The following ARMH3 variants were observed in gnomAD, a reference collection of about 807,000 sequenced individuals.
ARMH3 encodes the protein armadillo-like helical domain-containing protein 3.
ARMH3 carries 60 observed loss-of-function variants against 99.1 expected under a neutral mutation model. The observed-to-expected ratio is 0.61, with a 90% confidence interval of 0.49 to 0.75. ARMH3 has a LOEUF of 0.75. Ranked by LOEUF, ARMH3 falls within the 30% of genes least tolerant of loss-of-function variation. ARMH3 has a pLI of 0.00. For missense variants in ARMH3, 679 were observed against 843.1 expected (o/e 0.81, Z 2.41); for synonymous variants, 285 against 292.8 (o/e 0.97, Z 0.27).
chr10:101,910,539 G>C (rs533436972), intron 23 of ARMH3, among the ~76,000 whole-genome samples: 59 of 151,986 alleles, frequency 3.9e-4, no homozygotes, highest in African/African-American at 1.4e-3. Context: ...AGACCAGCCT[G>C]GCCAACATGG....
chr10:101,927,556 C>G (rs1843557319), intron 23 of ARMH3, among the ~76,000 whole-genome samples: 1 of 152,230 alleles, frequency 6.6e-6, no homozygotes, highest in Non-Finnish European at 1.5e-5. Flanking sequence ...GAAGCAGCTA[C>G]TCCATTATCA....
At chr10:101,916,927 G>A (rs889273627) in intron 23 of ARMH3, among the ~76,000 whole-genome samples, 3 of 152,050 alleles carry the variant, frequency 2.0e-5, no homozygotes, top group African/African-American at 7.2e-5. Context: ...CCAGTTTTTG[G>A]ACTCTAGGAC....
intron 24 of ARMH3, among the ~76,000 whole-genome samples, chr10:101,861,285 T>C (rs1172962025): frequency 6.6e-6 from 1 of 152,216 alleles, no homozygotes; most frequent in East Asian, 1.9e-4. Context: ...GAAGACAATG[T>C]AATAATAATA....
At chr10:101,972,460 C>T (rs1845811999) in intron 20 of ARMH3, among the ~76,000 whole-genome samples, 1 of 152,166 alleles carries the variant, frequency 6.6e-6, no homozygotes, top group Non-Finnish European at 1.5e-5. Flanking sequence ...TACACATAAG[C>T]ATATTTGCCA....
At chr10:101,866,543 C>A (rs997044153) in intron 24 of ARMH3, among the ~76,000 whole-genome samples, 1 of 151,524 alleles carries the variant, frequency 6.6e-6, no homozygotes, top group East Asian at 1.9e-4. Flanking sequence ...CCTGCAGCTA[C>A]GCCAGCAGGC....
chr10:102,043,496 G>A (rs1418211473), intron 1 of ARMH3, among the ~76,000 whole-genome samples: 2 of 152,198 alleles, frequency 1.3e-5, no homozygotes, highest in Non-Finnish European at 2.9e-5. Flanking sequence ...TACTGGCACA[G>A]ACAGACACAT....
At chr10:102,022,738 A>G (rs2066914424) in intron 8 of ARMH3, among the ~76,000 whole-genome samples, 1 of 148,972 alleles carries the variant, frequency 6.7e-6, no homozygotes, top group South Asian at 2.1e-4. Context: ...ACACTGCCAC[A>G]CCCAGCTAAT....
At chr10:101,950,980 A>T (rs1374666548) in intron 22 of ARMH3, among the ~76,000 whole-genome samples, 2 of 152,322 alleles carry the variant, frequency 1.3e-5, no homozygotes, top group East Asian at 1.9e-4. Context: ...CTGTCATATT[A>T]AAAAAATTTT....
chr10:102,011,816 T>C (rs781009923), intron 10 of ARMH3, 33 bp from the exon 11 acceptor site: 32 of 1,552,730 alleles, frequency 2.1e-5, no homozygotes, highest in Non-Finnish European at 2.6e-5. Context: ...AACTTTAGGA[T>C]TGTTTATCAA....
chr10:101,981,243 C>T (rs529294320), intron 19 of ARMH3, among the ~76,000 whole-genome samples: 1 of 151,668 alleles, frequency 6.6e-6, no homozygotes, highest in South Asian at 2.1e-4. Context: ...GGCTTCTTAC[C>T]AGAGGAGAAA....
chr10:101,894,338 T>C (rs773698069), intron 23 of ARMH3, among the ~76,000 whole-genome samples: 7 of 152,230 alleles, frequency 4.6e-5, no homozygotes, highest in Non-Finnish European at 8.8e-5. Flanking sequence ...TTAAAGTTCT[T>C]AGTACTTTGT....
intron 24 of ARMH3, among the ~76,000 whole-genome samples, chr10:101,880,633 C>T (rs1462435403): frequency 2.0e-5 from 3 of 152,134 alleles, no homozygotes; most frequent in Non-Finnish European, 4.4e-5. Context: ...GCTCCCCTCC[C>T]ACCACTCACA....
intron 13 of ARMH3, among the ~76,000 whole-genome samples, chr10:102,008,936 C>G (rs2066569820): frequency 1.3e-5 from 2 of 152,094 alleles, no homozygotes; most frequent in South Asian, 4.1e-4. Context: ...TAACCTTAAC[C>G]TGGCCAGGAT....
rs2066486906 is a variant in ARMH3 at position 101,847,432 on chromosome 10, C to T, written c.*96G>A. ...GAGAACTTGGTATCTGTGTTTCTCT[C>T]CAACCTCGGGGGCAGCCCCCTCTCC... On this transcript the variant is annotated 3_prime_UTR_variant, in exon 26 of 26. Coordinates refer to ENST00000370033, the MANE Select transcript of ARMH3 (RefSeq NM_024541.3). 2.3e-6 allele frequency: 3 copies of T among 1,290,414 alleles called. No homozygotes were observed. Among genetic ancestry groups the T allele is most frequent in the Non-Finnish European group, 3.4e-6 (3 of 894,302 alleles). The allele number at this position is 1,290,414 out of a possible 1,614,324, so 79.9% of individuals were successfully genotyped here.
At chr10:102,012,703 C>G in intron 10 of ARMH3, 130 bp downstream of exon 10, 1 of 781,978 alleles carries the variant, frequency 1.3e-6, no homozygotes, top group South Asian at 2.7e-5. Context: ...GCAAATACAT[C>G]TGCCAGGGGC....
At chr10:102,016,283 T>C (rs2066749982) in intron 8 of ARMH3, among the ~76,000 whole-genome samples, 2 of 152,230 alleles carry the variant, frequency 1.3e-5, no homozygotes, top group Admixed American at 1.3e-4. Flanking sequence ...CCTTTGAGTG[T>C]CATGTTGGTA....
rs532437758 is a variant in ARMH3 at position 101,876,797 on chromosome 10, T to TA, written c.1860+12614dup. The stretch of plus-strand genomic sequence containing the variant: ...CAAGATCTACTGGAAAAAAGGTGAC[T>TA]AAAAAAACTGAAGTGGGAATTCCTA... On this transcript the variant is annotated intron_variant, in intron 24 of 25. Transcript: ENST00000370033. Among the ~76,000 whole-genome samples the TA allele has an allele frequency of 3.9e-5, 6 of 152,032 alleles. No individual in the cohort carries two copies. In the East Asian group the frequency reaches 7.7e-4, roughly 20 times the overall value.
chr10:101,888,591 G>A (rs1420278361), intron 24 of ARMH3, among the ~76,000 whole-genome samples: 1 of 152,192 alleles, frequency 6.6e-6, no homozygotes, highest in Non-Finnish European at 1.5e-5. Flanking sequence ...CTCAAACAAG[G>A]GTTACAAAGA....
Position 102,054,388 on chromosome 10 carries a change from C to CA in ARMH3, c.-12+1696dup, listed in dbSNP as rs1199918958. Among the ~76,000 whole-genome samples, 662 of 70,502 alleles carry CA rather than the reference C, an allele frequency of 9.4e-3. 2 individuals are homozygous for CA. Among genetic ancestry groups the CA allele is most frequent in the South Asian group, 0.024 (59 of 2,438 alleles). The allele number at this position is 70,502 out of a possible 152,430, so 46.3% of individuals were successfully genotyped here. A position where few individuals can be genotyped will look rare whatever the true frequency, so the allele number is the denominator to read the frequency against. On this transcript the variant is annotated intron_variant, in intron 1 of 25. Coordinates refer to ENST00000370033, the MANE Select transcript of ARMH3 (RefSeq NM_024541.3). ...TGGGCGACAGAGCGAGACTCCGTCT[C>CA]AAAAAAAAAAAAAAAAAGTTGAACA...
Sources: gnomAD v4.1 joint callset for allele counts (sites outside exome capture counted in the v4.1 genomes callset) on GRCh38, gnomAD v4.1.1 for gene constraint, MANE v1.5 for transcripts, NCBI Gene and HGNC (gene_info 2026-07-23, HGNC 2026-07-21) for gene names.